The following NUDCD3 variants were observed in gnomAD, a reference collection of about 807,000 sequenced individuals.
NUDCD3 encodes the protein NudC domain containing 3.
A neutral mutation model predicts 39.7 loss-of-function variants in NUDCD3; 13 were observed. That is an observed-to-expected ratio of 0.33 (90% CI 0.21 to 0.52). The LOEUF (loss-of-function observed/expected upper bound fraction) is 0.52, where lower values mean the gene tolerates loss of function less well. Ranked by LOEUF, NUDCD3 falls within the 20% of genes least tolerant of loss-of-function variation. The probability of loss-of-function intolerance (pLI) is 0.96; values close to 1 mark genes in which losing one functional copy is unlikely to be tolerated. For synonymous variants in NUDCD3, 175 were observed against 172.4 expected (o/e 1.02, Z -0.12); for missense variants, 453 against 458.1 (o/e 0.99, Z 0.10).
chr7:44,404,940 T>C (rs1176388833), intron 3 of NUDCD3, among the ~76,000 whole-genome samples: 1 of 152,114 alleles, frequency 6.6e-6, no homozygotes, highest in Non-Finnish European at 1.5e-5. Context: ...CTTCCTTGCC[T>C]CCCCTTGTGG....
At chr7:44,386,314 C>T (rs1286201100) in intron 5 of NUDCD3, among the ~76,000 whole-genome samples, 193 bp from the exon 6 acceptor site, 1 of 152,200 alleles carries the variant, frequency 6.6e-6, no homozygotes, top group Non-Finnish European at 1.5e-5. Flanking sequence ...TGGGTGCCTG[C>T]CAATTTCTCT....
intron 2 of NUDCD3, among the ~76,000 whole-genome samples, chr7:44,441,140 T>A (rs1238271707): frequency 1.3e-5 from 2 of 152,184 alleles, no homozygotes; most frequent in Non-Finnish European, 2.9e-5. Context: ...CCCATTTGAT[T>A]TATCTAGAAG....
intron 4 of NUDCD3, among the ~76,000 whole-genome samples, chr7:44,398,851 A>G (rs899403608): frequency 2.6e-5 from 4 of 152,198 alleles, no homozygotes; most frequent in African/African-American, 9.7e-5. Context: ...GGTCCAGGGC[A>G]CCTGCTCAGC....
chr7:44,435,419 G>A (rs558871764), intron 2 of NUDCD3, among the ~76,000 whole-genome samples: 12 of 152,214 alleles, frequency 7.9e-5, no homozygotes, highest in Admixed American at 2.0e-4. Context: ...GGCCAAAGAC[G>A]GGACAATCAG....
chr7:44,420,525 A>T (rs1221948494), intron 3 of NUDCD3, among the ~76,000 whole-genome samples: 1 of 152,216 alleles, frequency 6.6e-6, no homozygotes, highest in Non-Finnish European at 1.5e-5. Context: ...CCTTGAGAAG[A>T]GCAACCCCAA....
At chr7:44,453,355 A>AT (rs1799830520) in intron 2 of NUDCD3, among the ~76,000 whole-genome samples, 1 of 151,886 alleles carries the variant, frequency 6.6e-6, no homozygotes, top group Non-Finnish European at 1.5e-5. Context: ...TTCATCTCAA[A>AT]AAAATAAATA....
intron 4 of NUDCD3, chr7:44,402,905 A>G: frequency 3.8e-6 from 1 of 265,722 alleles, no homozygotes; most frequent in Non-Finnish European, 7.7e-6. Context: ...ATACCTCCAC[A>G]ACCACGTGAA....
At chr7:44,484,930 C>G in intron 2 of NUDCD3, 38 bp downstream of exon 2, 1 of 1,464,192 alleles carries the variant, frequency 6.8e-7, no homozygotes, top group Non-Finnish European at 9.3e-7. Flanking sequence ...CCAGATGTTA[C>G]GCAAGAAAGA....
At chr7:44,452,752 G>A (rs757657469) in intron 2 of NUDCD3, among the ~76,000 whole-genome samples, 38 of 152,376 alleles carry the variant, frequency 2.5e-4, no homozygotes, top group Non-Finnish European at 2.9e-4. Context: ...GGCCTCGCCA[G>A]GTGACAAGAA....
intron 2 of NUDCD3, among the ~76,000 whole-genome samples, chr7:44,441,505 C>A (rs764032882): frequency 9.2e-5 from 14 of 152,142 alleles, no homozygotes; most frequent in Non-Finnish European, 1.5e-4. Flanking sequence ...AGTATGGAAG[C>A]ATCAGAAACC....
chr7:44,437,069 CTT>C (rs35904938), intron 2 of NUDCD3, among the ~76,000 whole-genome samples: 3 of 117,278 alleles, frequency 2.6e-5, no homozygotes, highest in African/African-American at 3.2e-5. Flanking sequence ...CTTTTCTTTT[CTT>C]TTTTTTTTTT....
Position 44,396,087 on chromosome 7 carries a change from TTGTGTGTGTGTGTGTGTG to T in NUDCD3, c.787-3620_787-3603del, listed in dbSNP as rs10585173. ...CCTCACCAACACTTGTTATCTTCTG[TTGTGTGTGTGTGTGTGTG>T]TGTGTGTGTGTGTGTGTGTGTTTAA... On this transcript the variant is annotated intron_variant, in intron 4 of 5. Transcript: ENST00000355451. Among the ~76,000 whole-genome samples, 9 of 145,012 alleles carry T rather than the reference TTGTGTGTGTGTGTGTGTG, an allele frequency of 6.2e-5. No homozygotes were observed. The South Asian group carries it at 1.6e-3, about 25-fold the overall frequency.
rs567473695 is a variant in NUDCD3 at position 44,484,121 on chromosome 7, C to G, written c.509+847G>C. Among the ~76,000 whole-genome samples the G allele has an allele frequency of 2.6e-5, 4 of 152,258 alleles. No individual in the cohort carries two copies. In the South Asian group the frequency reaches 8.3e-4, roughly 32 times the overall value. On this transcript the variant is annotated intron_variant, in intron 2 of 5. Transcript: ENST00000355451. ...AAGGTGGCAGGGATTTGGGGGCACA[C>G]AGGTGACCCATCCTATCAAGGAGGG...
At chr7:44,410,345 T>C (rs1281960373) in intron 3 of NUDCD3, among the ~76,000 whole-genome samples, 2 of 152,158 alleles carry the variant, frequency 1.3e-5, no homozygotes, top group Non-Finnish European at 2.9e-5. Context: ...CAGGCATCTA[T>C]ACAGATCAAT....
chr7:44,487,628 C>A (rs557596635), intron 1 of NUDCD3, among the ~76,000 whole-genome samples: 1 of 152,164 alleles, frequency 6.6e-6, no homozygotes, highest in East Asian at 1.9e-4. Context: ...CCTTTACAAA[C>A]CTCCTGTCAA....
At chr7:44,473,343 A>G (rs1407800631) in intron 2 of NUDCD3, among the ~76,000 whole-genome samples, 1 of 152,212 alleles carries the variant, frequency 6.6e-6, no homozygotes, top group Non-Finnish European at 1.5e-5. Flanking sequence ...CCAAAGGCAA[A>G]CTAGGTTCCA....
chr7:44,479,803 G>A (rs1563190181), intron 2 of NUDCD3, among the ~76,000 whole-genome samples: 2 of 152,182 alleles, frequency 1.3e-5, no homozygotes, highest in East Asian at 3.8e-4. Context: ...ATAATTTATA[G>A]GATAAACCAT....
intron 2 of NUDCD3, among the ~76,000 whole-genome samples, chr7:44,438,457 T>C (rs1162159188): frequency 6.6e-6 from 1 of 152,138 alleles, no homozygotes; most frequent in Non-Finnish European, 1.5e-5. Flanking sequence ...CTTGGAAGCT[T>C]TCTAATTCAT....
intron 2 of NUDCD3, chr7:44,467,910 G>A (rs913601880): frequency 5.6e-6 from 9 of 1,606,004 alleles, no homozygotes; most frequent in Admixed American, 3.3e-5. Context: ...GCCGCCCTCA[G>A]ACCCCTTGTG....
Sources: gnomAD v4.1 joint callset for allele counts (sites outside exome capture counted in the v4.1 genomes callset) on GRCh38, gnomAD v4.1.1 for gene constraint, MANE v1.5 for transcripts, NCBI Gene and HGNC (gene_info 2026-07-23, HGNC 2026-07-21) for gene names.